The following UST variants were observed in gnomAD, a reference collection of about 807,000 sequenced individuals.
UST encodes uronyl 2-sulfotransferase, also known as chondroitin sulfate 2-O-sulfotransferase.
A neutral mutation model predicts 45.6 loss-of-function variants in UST; 21 were observed. The observed-to-expected ratio is 0.46, with a 90% CI of 0.33 to 0.66. The LOEUF (loss-of-function observed/expected upper bound fraction) is 0.66. UST is among the 30% of genes least tolerant of loss of function. UST has a pLI of 0.02. For missense variants in UST, 463 were observed against 512.4 expected (o/e 0.90, Z 0.93); for synonymous variants, 215 against 200.6 (o/e 1.07, Z -0.61).
intron 7 of UST, among the ~76,000 whole-genome samples, chr6:149,039,686 T>C (rs1776283698): frequency 6.6e-6 from 1 of 152,190 alleles, no homozygotes; most frequent in African/African-American, 2.4e-5. Flanking sequence ...GCTTTTTCTA[T>C]TTTTGTGATC....
At chr6:149,055,026 G>C (rs1057039312) in intron 7 of UST, among the ~76,000 whole-genome samples, 1 of 152,154 alleles carries the variant, frequency 6.6e-6, no homozygotes, top group Admixed American at 6.5e-5. Context: ...TTAGTGAGGG[G>C]ACTCAATCCT....
chr6:149,029,868 G>T (rs1257218629), intron 7 of UST, among the ~76,000 whole-genome samples: 3 of 27,688 alleles, frequency 1.1e-4, no homozygotes, highest in Admixed American at 4.5e-4. Context: ...ACTGGATCTT[G>T]TGTGTGTGTG....
intron 2 of UST, among the ~76,000 whole-genome samples, chr6:148,909,434 T>C (rs1779433539): frequency 6.6e-6 from 1 of 152,174 alleles, no homozygotes; most frequent in Non-Finnish European, 1.5e-5. Context: ...CAAAAGTAGA[T>C]GTTTGATTTT....
At chr6:148,789,459 A>G (rs564126601) in intron 1 of UST, among the ~76,000 whole-genome samples, 2 of 127,310 alleles carry the variant, frequency 1.6e-5, no homozygotes, top group African/African-American at 6.2e-5. Context: ...TCTCTCACAC[A>G]CACACACACA....
At chr6:148,961,035 C>T (rs556547899) in intron 4 of UST, among the ~76,000 whole-genome samples, 5 of 152,104 alleles carry the variant, frequency 3.3e-5, no homozygotes, top group African/African-American at 4.8e-5. Context: ...ATGAGGTGTT[C>T]GGAAATGCCT....
chr6:148,852,916 C>T (rs1292426416), intron 1 of UST, among the ~76,000 whole-genome samples: 4 of 152,176 alleles, frequency 2.6e-5, no homozygotes, highest in Non-Finnish European at 5.9e-5. Context: ...TGTCACATGA[C>T]TTTAGTAAAT....
At chr6:149,034,382 C>G (rs1776197560) in intron 7 of UST, among the ~76,000 whole-genome samples, 1 of 151,772 alleles carries the variant, frequency 6.6e-6, no homozygotes, top group African/African-American at 2.4e-5. Flanking sequence ...CAGTTCCATC[C>G]CAACCTGCCC....
intron 1 of UST, 43 bp from the exon 2 acceptor site, chr6:148,886,943 G>T: frequency 6.5e-7 from 1 of 1,545,632 alleles, no homozygotes; most frequent in Non-Finnish European, 8.9e-7. Flanking sequence ...ATTCATTTGG[G>T]ATTTAAAAAA....
intron 7 of UST, among the ~76,000 whole-genome samples, chr6:149,058,264 T>C (rs975692025): frequency 6.6e-5 from 10 of 151,904 alleles, no homozygotes; most frequent in Admixed American, 6.6e-4. Context: ...TGTCAGCAAC[T>C]GGCTTTAACA....
chr6:148,900,072 C>A (rs1017365297), intron 2 of UST, among the ~76,000 whole-genome samples: 3 of 152,146 alleles, frequency 2.0e-5, no homozygotes, highest in Non-Finnish European at 2.9e-5. Flanking sequence ...ACAAATAATT[C>A]TCTTGTTTTG....
At chr6:148,824,645 A>C (rs1221139076) in intron 1 of UST, among the ~76,000 whole-genome samples, 1 of 149,750 alleles carries the variant, frequency 6.7e-6, no homozygotes, top group African/African-American at 2.5e-5. Context: ...GCTGAGTCAA[A>C]TTCAATGGGG....
At chr6:148,989,916 G>A (rs1047800905) in intron 5 of UST, among the ~76,000 whole-genome samples, 2 of 152,120 alleles carry the variant, frequency 1.3e-5, no homozygotes, top group Non-Finnish European at 2.9e-5. Context: ...TCCCCATTTG[G>A]AATTTAGATG....
chr6:149,056,178 G>C (rs1776563717), intron 7 of UST, among the ~76,000 whole-genome samples: 1 of 71,128 alleles, frequency 1.4e-5, no homozygotes, highest in South Asian at 3.9e-4. Context: ...GCAGTGCGGT[G>C]GCGTTAGCTC....
chr6:148,784,732 A>AAT (rs773920371), intron 1 of UST, among the ~76,000 whole-genome samples: 4 of 152,350 alleles, frequency 2.6e-5, no homozygotes, highest in African/African-American at 9.6e-5. Context: ...TGAATTGATG[A>AAT]ATACCTGGTG....
At chr6:149,056,917 G>A (rs561209288) in intron 7 of UST, among the ~76,000 whole-genome samples, 28 of 152,094 alleles carry the variant, frequency 1.8e-4, no homozygotes, top group African/African-American at 5.8e-4. Context: ...CTACATGTTC[G>A]GCCTCCATGA....
intron 5 of UST, among the ~76,000 whole-genome samples, chr6:148,970,826 T>C (rs1780899716): frequency 6.6e-6 from 1 of 152,112 alleles, no homozygotes; most frequent in African/African-American, 2.4e-5. Context: ...CCTTCTACCA[T>C]CTCATTTCTC....
intron 1 of UST, among the ~76,000 whole-genome samples, chr6:148,785,850 A>G (rs1776724748): frequency 6.6e-6 from 1 of 152,210 alleles, no homozygotes; most frequent in Non-Finnish European, 1.5e-5. Context: ...TAAAATATAC[A>G]TTTACTCATT....
At chr6:149,039,729 A>G (rs1459244564) in intron 7 of UST, among the ~76,000 whole-genome samples, 1 of 152,228 alleles carries the variant, frequency 6.6e-6, no homozygotes, top group Non-Finnish European at 1.5e-5. Context: ...GAGAAGGGCC[A>G]CAACTGAGCA....
intron 7 of UST, among the ~76,000 whole-genome samples, chr6:149,065,004 T>C (rs1409690731): frequency 6.6e-6 from 1 of 152,178 alleles, no homozygotes; most frequent in Non-Finnish European, 1.5e-5. Flanking sequence ...TTCGTCTCTT[T>C]CTTTTAAAAT....
Sources: gnomAD v4.1 joint callset for allele counts (sites outside exome capture counted in the v4.1 genomes callset) on GRCh38, gnomAD v4.1.1 for gene constraint, MANE v1.5 for transcripts, NCBI Gene and HGNC (gene_info 2026-07-23, HGNC 2026-07-21) for gene names.